Variants in MEIKIN observed in about 807,000 individuals in gnomAD.
The protein encoded by MEIKIN is meiotic kinetochore factor.
chr5:131,810,064 T>C (rs1580853729), intron 12 of MEIKIN, among the ~76,000 whole-genome samples: 1 of 152,350 alleles, frequency 6.6e-6, no homozygotes, highest in Middle Eastern at 3.4e-3. Flanking sequence ...AATGTGCTTA[T>C]GTAACAGTTA....
At chr5:131,903,541 C>G (rs933451010) in intron 8 of MEIKIN, among the ~76,000 whole-genome samples, 2 of 152,100 alleles carry the variant, frequency 1.3e-5, no homozygotes, top group African/African-American at 2.4e-5. Flanking sequence ...ATTTCATATC[C>G]AGCCAAACCA....
At chr5:131,839,689 T>C (rs890047980) in intron 11 of MEIKIN, among the ~76,000 whole-genome samples, 5 of 152,212 alleles carry the variant, frequency 3.3e-5, no homozygotes, top group South Asian at 2.1e-4. Context: ...TTTTCTGTTT[T>C]CCATTTGCTT....
chr5:131,899,559 A>C (rs1273713950), intron 8 of MEIKIN, among the ~76,000 whole-genome samples: 1 of 151,790 alleles, frequency 6.6e-6, no homozygotes, highest in East Asian at 1.9e-4. Context: ...AAAAAAAAAA[A>C]AACAAGACCC....
chr5:131,838,508 ATTAC>A (rs1749850562), intron 11 of MEIKIN, among the ~76,000 whole-genome samples: 1 of 151,700 alleles, frequency 6.6e-6, no homozygotes, highest in Admixed American at 6.6e-5. Flanking sequence ...TGGTAGGCTT[ATTAC>A]TTATTCAGGA....
intron 8 of MEIKIN, among the ~76,000 whole-genome samples, chr5:131,907,807 G>A (rs1751267943): frequency 6.6e-6 from 1 of 152,018 alleles, no homozygotes; most frequent in Non-Finnish European, 1.5e-5. Flanking sequence ...GGGAGTCAGA[G>A]GTTGCAGTGA....
chr5:131,840,606 C>T lies in MEIKIN; in HGVS notation c.975+10658G>A, dbSNP rs568145324. Among the ~76,000 whole-genome samples, 8 of 151,818 alleles carry T rather than the reference C, an allele frequency of 5.3e-5. No individual in the cohort carries two copies. The South Asian group carries it at 1.3e-3, about 24-fold the overall frequency. ...TCAGAAAGCTGTCTTATTTCTTAAG[C>T]TCTGAGATTCTTTCCTCAGCCTGGT... On this transcript the variant is annotated intron_variant, in intron 11 of 12. Coordinates refer to ENST00000442687, the MANE Select transcript of MEIKIN (RefSeq NM_001303622.2).
chr5:131,891,100 G>A (rs553320205), intron 8 of MEIKIN, among the ~76,000 whole-genome samples: 12 of 152,144 alleles, frequency 7.9e-5, no homozygotes, highest in Non-Finnish European at 1.5e-4. Context: ...TATGATTTCT[G>A]TTCTTTTACA....
Position 131,874,016 on chromosome 5 carries a change from G to GC in MEIKIN, c.774+4961dup, listed in dbSNP as rs201793753. On this transcript the variant is annotated intron_variant, in intron 9 of 12. Transcript: ENST00000442687. ...AGCAGTGTGTAGAGGGAAATTTATA[G>GC]CACTAAATGCCCACAAGAGAAAGCA... Among the ~76,000 whole-genome samples the GC allele has an allele frequency of 1.7e-3, 255 of 152,256 alleles. 6 individuals carry two copies. The East Asian group carries it at 0.041, about 25-fold the overall frequency.
At chr5:131,861,507 G>A (rs924068576) in intron 9 of MEIKIN, among the ~76,000 whole-genome samples, 1 of 152,314 alleles carries the variant, frequency 6.6e-6, no homozygotes, top group African/African-American at 2.4e-5. Flanking sequence ...AATGGGCATG[G>A]GGAAGGTGGG....
intron 4 of MEIKIN, among the ~76,000 whole-genome samples, chr5:131,938,967 G>C (rs1751827448): frequency 6.6e-6 from 1 of 152,200 alleles, no homozygotes; most frequent in African/African-American, 2.4e-5. Flanking sequence ...ACAAATTCCA[G>C]TCTTCTCCTG....
At chr5:131,917,058 A>G (rs1465616484) in intron 6 of MEIKIN, 133 bp from the exon 7 acceptor site, 1 of 373,076 alleles carries the variant, frequency 2.7e-6, no homozygotes, top group Non-Finnish European at 4.7e-6. Flanking sequence ...CTGCCACTTA[A>G]ATTAGGTAAA....
At chr5:131,855,685 A>C (rs574932592) in intron 9 of MEIKIN, among the ~76,000 whole-genome samples, 1 of 152,224 alleles carries the variant, frequency 6.6e-6, no homozygotes, top group Non-Finnish European at 1.5e-5. Flanking sequence ...AAAGAGAAAG[A>C]CAGAGAAGAC....
intron 2 of MEIKIN, 73 bp from the exon 3 acceptor site, chr5:131,944,825 G>A (rs1020689349): frequency 2.5e-6 from 1 of 398,912 alleles, no homozygotes; most frequent in African/African-American, 2.1e-5. Context: ...AGACTCTTTA[G>A]AATCTGAAAG....
chr5:131,917,699 T>C (rs1211940478), intron 6 of MEIKIN, among the ~76,000 whole-genome samples: 5 of 152,078 alleles, frequency 3.3e-5, no homozygotes, highest in African/African-American at 4.8e-5. Context: ...CTCAGGTACA[T>C]TAAGATATTA....
chr5:131,861,983 T>C (rs1455470024), intron 9 of MEIKIN, among the ~76,000 whole-genome samples: 1 of 152,178 alleles, frequency 6.6e-6, no homozygotes, highest in African/African-American at 2.4e-5. Context: ...TTAGGGAGGA[T>C]TCCCTCCTCT....
At chr5:131,868,969 G>T (rs889436838) in intron 9 of MEIKIN, among the ~76,000 whole-genome samples, 1 of 152,100 alleles carries the variant, frequency 6.6e-6, no homozygotes, top group Non-Finnish European at 1.5e-5. Flanking sequence ...TACAGCAAAA[G>T]TTTTTTTATT....
chr5:131,852,758 C>G (rs1203350594), intron 10 of MEIKIN, among the ~76,000 whole-genome samples: 1 of 151,916 alleles, frequency 6.6e-6, no homozygotes, highest in African/African-American at 2.4e-5. Flanking sequence ...TTTAAGTATG[C>G]TAAAAACCAC....
intron 12 of MEIKIN, among the ~76,000 whole-genome samples, chr5:131,814,019 C>T (rs1176206570): frequency 6.6e-6 from 1 of 151,932 alleles, no homozygotes; most frequent in Non-Finnish European, 1.5e-5. Context: ...GGTTGGGAGG[C>T]TAAACCAGTC....
chr5:131,889,877 A>G (rs529434827), intron 8 of MEIKIN, among the ~76,000 whole-genome samples: 2 of 152,274 alleles, frequency 1.3e-5, no homozygotes, highest in East Asian at 3.9e-4. Flanking sequence ...TTATTTTGAG[A>G]TACGTCCCAT....
Sources: allele counts gnomAD v4.1 joint callset (sites outside exome capture counted in the v4.1 genomes callset), GRCh38; gene constraint gnomAD v4.1.1; transcripts MANE v1.5; gene names NCBI Gene and HGNC (gene_info 2026-07-23, HGNC 2026-07-21).